Variants in MEF2A observed in about 807,000 individuals in gnomAD.
The protein encoded by MEF2A is myocyte enhancer factor 2A.
MEF2A carries 28 observed loss-of-function variants against 55.8 expected under a neutral mutation model. The ratio of observed to expected loss-of-function variants is 0.50; its 90% confidence interval spans 0.37 to 0.69. The LOEUF (loss-of-function observed/expected upper bound fraction) is 0.69. Among genes scored for constraint, MEF2A ranks in the 30% least tolerant of loss-of-function variants. The probability of loss-of-function intolerance (pLI) is 0.00; values close to 1 mark genes in which losing one functional copy is unlikely to be tolerated. For missense variants in MEF2A, 528 were observed against 626.2 expected (o/e 0.84, Z 1.67); for synonymous variants, 239 against 227.1 (o/e 1.05, Z -0.47).
chr15:99,657,684 C>T (rs1241716760), intron 4 of MEF2A, among the ~76,000 whole-genome samples: 2 of 152,080 alleles, frequency 1.3e-5, no homozygotes, highest in Non-Finnish European at 2.9e-5. Context: ...AAAATGATCA[C>T]TTCTAGGTTT....
At chr15:99,693,620 T>A (rs554356604) in intron 8 of MEF2A, among the ~76,000 whole-genome samples, 27 of 152,316 alleles carry the variant, frequency 1.8e-4, no homozygotes, top group South Asian at 4.1e-4. Flanking sequence ...TGAAATTTTT[T>A]AAAAATTCCT....
chr15:99,602,947 G>A (rs1238162386), intron 2 of MEF2A, among the ~76,000 whole-genome samples: 1 of 152,020 alleles, frequency 6.6e-6, no homozygotes, highest in Non-Finnish European at 1.5e-5. Flanking sequence ...GTTTTTCAAG[G>A]AATTTGTCTA....
chr15:99,710,980 G>A (rs1431347553), intron 11 of MEF2A, among the ~76,000 whole-genome samples: 1 of 152,208 alleles, frequency 6.6e-6, no homozygotes, highest in African/African-American at 2.4e-5. Flanking sequence ...GATTTGGGGA[G>A]CAAGGCTTCT....
intron 8 of MEF2A, among the ~76,000 whole-genome samples, chr15:99,690,972 AC>A (rs973764328): frequency 6.6e-5 from 10 of 152,256 alleles, no homozygotes; most frequent in African/African-American, 2.4e-4. Flanking sequence ...AATGTTCCCA[AC>A]AAATAGAAAG....
rs138977275 is a variant in MEF2A at position 99,676,695 on chromosome 15, G to A, written c.670+1237G>A. Among the ~76,000 whole-genome samples, 1,077 of 151,088 alleles carry A rather than the reference G, an allele frequency of 7.1e-3. 11 individuals carry two copies. Among genetic ancestry groups the A allele is most frequent in the African/African-American group, 0.025 (1,017 of 41,134 alleles). ...TCACGCCATTCTGCCTCAGCCTCCC[G>A]AGTAGCTGGGACTACAGGTGCCCGC... is the stretch of plus-strand genomic sequence containing the variant. On this transcript the variant is annotated intron_variant, in intron 7 of 11. Coordinates refer to ENST00000557942, the MANE Select transcript of MEF2A (RefSeq NM_001319206.4).
intron 3 of MEF2A, among the ~76,000 whole-genome samples, chr15:99,637,772 AGCT>A (rs1340901066): frequency 6.6e-6 from 1 of 152,008 alleles, no homozygotes; most frequent in Non-Finnish European, 1.5e-5. Flanking sequence ...CCTCCTGAGT[AGCT>A]GGGATTACAG....
chr15:99,601,402 T>G (rs1253942093), intron 2 of MEF2A, among the ~76,000 whole-genome samples: 1 of 152,104 alleles, frequency 6.6e-6, no homozygotes, highest in Non-Finnish European at 1.5e-5. Flanking sequence ...ATTAGACTGG[T>G]TAGTAGTCCC....
intron 2 of MEF2A, among the ~76,000 whole-genome samples, chr15:99,605,515 G>C (rs538932316): frequency 6.6e-6 from 1 of 152,330 alleles, no homozygotes; most frequent in South Asian, 2.1e-4. Context: ...TGAAAGCTTA[G>C]ATTTGTTCAA....
chr15:99,697,498 AAAG>A (rs1167928503), intron 8 of MEF2A, among the ~76,000 whole-genome samples: 1 of 152,144 alleles, frequency 6.6e-6, no homozygotes, highest in East Asian at 1.9e-4. Context: ...AAAGGAAGGA[AAAG>A]AAACATCTAG....
chr15:99,716,488 G>A lies in MEF2A; in HGVS notation c.*3717G>A, dbSNP rs2059165977. 2.2e-6 allele frequency: 1 copy of A among 456,686 alleles called. No homozygotes were observed. Among genetic ancestry groups the A allele is most frequent in the Admixed American group, 2.3e-5 (1 of 42,566 alleles). The allele number at this position is 456,686 out of a possible 1,614,324, so 28.3% of individuals were successfully genotyped here. A position where few individuals can be genotyped will look rare whatever the true frequency, so the allele number is the denominator to read the frequency against. On this transcript the variant is annotated 3_prime_UTR_variant, in exon 12 of 12. Coordinates refer to ENST00000557942, the MANE Select transcript of MEF2A (RefSeq NM_001319206.4). ...GTAAAGACGGACTGGCTCTTCCTGT[G>A]CGTCGAGACTCTGTCATGTTTGCCT...
chr15:99,710,548 G>A, intron 10 of MEF2A, 86 bp from the exon 11 acceptor site: 6 of 1,537,544 alleles, frequency 3.9e-6, no homozygotes, highest in Non-Finnish European at 3.6e-6. Flanking sequence ...TGGCCTCAAT[G>A]TAGGAACTTT....
Position 99,712,476 on chromosome 15 carries a change from C to G in MEF2A, c.1223C>G (p.Pro408Arg), listed in dbSNP as rs1476923080. ...ATCAAGTCCGAACCGATTTCACCTCCTCGGGATCGTATGACCCCATCGGGC... is the reference window on the plus strand; with the variant it reads ...ATCAAGTCCGAACCGATTTCACCTCGTCGGGATCGTATGACCCCATCGGGC... Reference protein sequence around the residue: ...ISIKSEPISPPRDRMTPSGFQ... With the variant: ...ISIKSEPISPRRDRMTPSGFQ... The change falls in exon 12 of 12, where the codon CCT (proline) becomes CGT (arginine). Residue 408 changes from proline to arginine, a missense_variant. Physicochemically the swap from Pro to Arg is moderately radical, Grantham distance 103. This residue lies in a region of MEF2A where 450 missense variants were observed against 475.3 expected (regional missense o/e 0.95). Transcript: ENST00000557942. This position sits in a 1 kb window ranked among gnomAD's most constrained non-coding sequence, Gnocchi z 4.1. 17 of 1,551,648 alleles carry G rather than the reference C, an allele frequency of 1.1e-5. No individual in the cohort carries two copies. The highest frequency in any genetic ancestry group is 1.4e-5 in the African/African-American group (1 of 72,978).
chr15:99,673,293 A>G (rs2051249373), intron 5 of MEF2A, among the ~76,000 whole-genome samples: 1 of 152,230 alleles, frequency 6.6e-6, no homozygotes, highest in African/African-American at 2.4e-5. Context: ...ACAATACAGT[A>G]GCAAATAAAG....
intron 4 of MEF2A, among the ~76,000 whole-genome samples, chr15:99,646,396 T>C (rs2045967623): frequency 6.6e-6 from 1 of 152,162 alleles, no homozygotes; most frequent in African/African-American, 2.4e-5. Context: ...TCTTCTCTCT[T>C]TCAAGATCTT....
intron 1 of MEF2A, among the ~76,000 whole-genome samples, chr15:99,578,875 A>G (rs918793516): frequency 2.0e-5 from 3 of 152,364 alleles, no homozygotes; most frequent in Middle Eastern, 3.4e-3. Flanking sequence ...ATGTTAAATC[A>G]TTAAGGAATA....
At chr15:99,601,129 C>CT (rs1972812120) in intron 2 of MEF2A, among the ~76,000 whole-genome samples, 1 of 152,132 alleles carries the variant, frequency 6.6e-6, no homozygotes, top group African/African-American at 2.4e-5. Flanking sequence ...AAATTCATCT[C>CT]TAATTATTTT....
At chr15:99,579,141 C>G (rs1012262117) in intron 1 of MEF2A, among the ~76,000 whole-genome samples, 1 of 152,034 alleles carries the variant, frequency 6.6e-6, no homozygotes, top group Non-Finnish European at 1.5e-5. Context: ...GTATTTTTTC[C>G]CATTTCTTGT....
intron 1 of MEF2A, among the ~76,000 whole-genome samples, chr15:99,574,988 GTTATATAA>G (rs1470716983): frequency 2.6e-5 from 4 of 152,088 alleles, no homozygotes; most frequent in African/African-American, 9.7e-5. Flanking sequence ...ATCAGGCATT[GTTATATAA>G]TATCAAGAAT....
At position 99,713,346 on chromosome 15, in the gene MEF2A, G is replaced by C. The variant is rs201784078; in HGVS notation, c.*575G>C. The C allele has an allele frequency of 4.6e-6, 1 of 215,994 alleles. No homozygotes were observed. Among genetic ancestry groups the C allele is most frequent in the Non-Finnish European group, 8.8e-6 (1 of 113,118 alleles). 13.4% of individuals were successfully genotyped at this position (215,994 alleles called of 1,614,324 possible). A position where few individuals can be genotyped will look rare whatever the true frequency, so the allele number is the denominator to read the frequency against. The stretch of plus-strand genomic sequence containing the variant: ...TATTAAAAACAAACAAAACAAAAAA[G>C]CCCCACACATAACTGTTTTGCACGT... On this transcript the variant is annotated 3_prime_UTR_variant, in exon 12 of 12. Coordinates refer to ENST00000557942, the MANE Select transcript of MEF2A (RefSeq NM_001319206.4).
Sources: allele counts gnomAD v4.1 joint callset (sites outside exome capture counted in the v4.1 genomes callset), GRCh38; gene constraint gnomAD v4.1.1; regional missense constraint gnomAD v4.1.1; non-coding constraint Gnocchi (gnomAD v3.1); transcripts MANE v1.5; gene names NCBI Gene and HGNC (gene_info 2026-07-23, HGNC 2026-07-21).